Variants in DMD observed in about 807,000 individuals in gnomAD.
DMD encodes mutant dystrophin.
Under a neutral mutation model 330.1 loss-of-function variants are expected in DMD, and 63 were observed. The ratio of observed to expected loss-of-function variants is 0.19; its 90% confidence interval spans 0.16 to 0.24. DMD has a LOEUF of 0.24. Among genes scored for constraint, DMD ranks in the 10% least tolerant of loss-of-function variants. DMD has a pLI of 1.00. For missense variants in DMD, 3,344 were observed against 2,684.1 expected, an observed-to-expected ratio of 1.25 and a Z score of -5.43; for synonymous variants, 1,223 against 959.8, an observed-to-expected ratio of 1.27 and a Z score of -5.07.
At chrX:31,566,100 C>T (rs1396310945) in intron 55 of DMD, among the ~76,000 whole-genome samples, 1 of 111,591 alleles carries the variant, frequency 9.0e-6, no homozygotes. Context: ...TTTTGCAGTG[C>T]AAAGGTTTTA....
At chrX:33,305,559 G>A (rs1340899236) in intron 1 of DMD, among the ~76,000 whole-genome samples, 4 of 98,076 alleles carry the variant, frequency 4.1e-5, no homozygotes, top group Non-Finnish European at 6.1e-5. Context: ...CTAAAACTTA[G>A]AGTATAATAA....
intron 48 of DMD, among the ~76,000 whole-genome samples, chrX:31,862,803 ATT>A (rs1437356252): frequency 1.8e-5 from 2 of 112,508 alleles, no homozygotes; most frequent in Non-Finnish European, 3.8e-5. Context: ...TCTCAGGCCC[ATT>A]CCTAAGGCAC....
chrX:32,696,030 G>A (rs1382567949), intron 9 of DMD, among the ~76,000 whole-genome samples: 1 of 112,277 alleles, frequency 8.9e-6, no homozygotes, highest in East Asian at 2.8e-4. Flanking sequence ...AGTTAAAGCA[G>A]AGTGATGTGT....
chrX:31,133,053 G>C (rs1285563764), intron 77 of DMD, among the ~76,000 whole-genome samples: 1 of 111,934 alleles, frequency 8.9e-6, no homozygotes, highest in African/African-American at 3.3e-5. Flanking sequence ...ACGTTTACTT[G>C]CACATCAAAT....
chrX:32,897,332 A>G (rs2085814678), intron 2 of DMD, among the ~76,000 whole-genome samples: 1 of 111,780 alleles, frequency 8.9e-6, no homozygotes, highest in East Asian at 2.8e-4. Context: ...AGGAAGGAAG[A>G]AGGAAAGGGG....
chrX:32,346,098 G>A lies in DMD; in HGVS notation c.5449-18C>T, dbSNP rs1273796314. On this transcript the variant is annotated intron_variant, in intron 38 of 78. Transcript: ENST00000357033. ...TCTTCATTCTGATCAAAAACAACAAGTACAGTCTTCATTTTGGTTTTTAAA... is the reference window on the plus strand; with the variant it reads ...TCTTCATTCTGATCAAAAACAACAAATACAGTCTTCATTTTGGTTTTTAAA... 9 of 1,206,976 alleles carry A rather than the reference G, an allele frequency of 7.5e-6. No homozygotes were observed. The highest frequency in any genetic ancestry group is 9.0e-6 in the Non-Finnish European group (8 of 892,414).
intron 1 of DMD, among the ~76,000 whole-genome samples, chrX:33,044,232 G>C (rs2094346256): frequency 8.9e-6 from 1 of 111,761 alleles, no homozygotes; most frequent in South Asian, 3.7e-4. Context: ...AGGAGTTCAA[G>C]ACCAGCCTGG....
At chrX:31,219,904 G>A (rs1481740071) in intron 64 of DMD, among the ~76,000 whole-genome samples, 1 of 109,170 alleles carries the variant, frequency 9.2e-6, no homozygotes, top group African/African-American at 3.3e-5. Flanking sequence ...GTCAACAATG[G>A]ACTGCCTATA....
In DMD at chrX:32,268,094, C is replaced by T. The variant is rs190244551; in HGVS notation, c.6290+19435G>A. ...GAATGCAGGAGTCAGAAAAGTAACA[C>T]AAATACGCAGAAGAGTGACCAGCTG... On this transcript the variant is annotated intron_variant, in intron 43 of 78. Coordinates refer to ENST00000357033, the MANE Select transcript of DMD (RefSeq NM_004006.3). 2.0e-4 allele frequency among the ~76,000 whole-genome samples: 22 copies of T among 111,396 alleles called. No homozygotes were observed. In the East Asian group the frequency reaches 5.7e-3, roughly 29 times the overall value.
intron 43 of DMD, among the ~76,000 whole-genome samples, chrX:32,269,500 C>T (rs936888611): frequency 4.5e-5 from 5 of 111,360 alleles, no homozygotes; most frequent in African/African-American, 1.6e-4. Context: ...CCTCCTTGGT[C>T]GAATTCTTTC....
chrX:31,721,617 C>G (rs78001819), intron 52 of DMD, among the ~76,000 whole-genome samples: 1 of 91,385 alleles, frequency 1.1e-5, no homozygotes, highest in East Asian at 3.3e-4. Context: ...CTCTCTCTCT[C>G]TGTATGTGTG....
chrX:33,020,874 C>T (rs1343802401), intron 1 of DMD, among the ~76,000 whole-genome samples: 1 of 110,817 alleles, frequency 9.0e-6, no homozygotes, highest in Non-Finnish European at 1.9e-5. Flanking sequence ...ATGCCATCCA[C>T]CCAACCATGG....
intron 2 of DMD, among the ~76,000 whole-genome samples, chrX:32,941,370 A>C (rs999886506): frequency 8.9e-6 from 1 of 112,222 alleles, no homozygotes; most frequent in Non-Finnish European, 1.9e-5. Context: ...TCACAGCACT[A>C]TTCACAATAG....
chrX:32,612,846 G>T (rs868373312), intron 12 of DMD, among the ~76,000 whole-genome samples: 3 of 110,710 alleles, frequency 2.7e-5, no homozygotes, highest in African/African-American at 9.8e-5. Context: ...GATCTTAGAG[G>T]ACTCCTGGGG....
intron 44 of DMD, among the ~76,000 whole-genome samples, chrX:32,045,932 C>T (rs1316265016): frequency 3.6e-5 from 4 of 112,184 alleles, no homozygotes; most frequent in African/African-American, 6.5e-5. Context: ...AATTGACTGA[C>T]AATTTCATTC....
intron 43 of DMD, among the ~76,000 whole-genome samples, chrX:32,259,462 C>A (rs1037168147): frequency 1.8e-5 from 2 of 110,726 alleles, no homozygotes; most frequent in Non-Finnish European, 3.8e-5. Flanking sequence ...GTATCATTCA[C>A]AAATAATATG....
rs140949362 is a variant in DMD, at chrX:32,988,845, A to G, written c.93+31294T>C. ...ATAAAATCAGTGTTTCAACAGAAAT[A>G]TATTTCACAATGAACCTTGTTTATA... On this transcript the variant is annotated intron_variant, in intron 2 of 78. Coordinates refer to ENST00000357033, the MANE Select transcript of DMD (RefSeq NM_004006.3). Among the ~76,000 whole-genome samples, 684 of 111,885 alleles carry G rather than the reference A, an allele frequency of 6.1e-3. 17 individuals carry two copies. The highest frequency in any genetic ancestry group is 0.059 in the Admixed American group (614 of 10,455).
intron 55 of DMD, among the ~76,000 whole-genome samples, chrX:31,581,967 A>C (rs1219459861): frequency 1.8e-5 from 2 of 111,973 alleles, no homozygotes; most frequent in Admixed American, 9.5e-5. Context: ...CTTGTATACC[A>C]GTGCCACCAT....
intron 33 of DMD, 138 bp downstream of exon 33, chrX:32,386,172 A>T (rs2147554187): frequency 1.7e-6 from 1 of 600,832 alleles, no homozygotes; most frequent in Non-Finnish European, 2.8e-6. Context: ...GTGTGTATAT[A>T]TATACGTATA....
Sources: gnomAD v4.1 joint callset for allele counts (sites outside exome capture counted in the v4.1 genomes callset) on GRCh38, gnomAD v4.1.1 for gene constraint, MANE v1.5 for transcripts, NCBI Gene and HGNC (gene_info 2026-07-23, HGNC 2026-07-21) for gene names.